Variants in TLK1 observed in about 807,000 individuals in gnomAD.
The protein encoded by TLK1 is serine/threonine-protein kinase tousled-like 1.
Under a neutral mutation model 105.3 loss-of-function variants are expected in TLK1, and 24 were observed. The observed-to-expected ratio is 0.23, with a 90% confidence interval of 0.17 to 0.32. The LOEUF (loss-of-function observed/expected upper bound fraction) is 0.32, where lower values mean the gene tolerates loss of function less well. Among genes scored for constraint, TLK1 ranks in the 10% least tolerant of loss-of-function variants. The pLI, the probability that TLK1 is intolerant of heterozygous loss-of-function variation, is 1.00. For missense variants in TLK1, 558 were observed against 910.5 expected (o/e 0.61, Z 4.98); for synonymous variants, 321 against 310.4 (o/e 1.03, Z -0.36).
At chr2:171,216,642 G>A (rs1693719690) in intron 1 of TLK1, among the ~76,000 whole-genome samples, 1 of 152,080 alleles carries the variant, frequency 6.6e-6, no homozygotes. Context: ...GTAACCCCTA[G>A]TACCTTAGAA....
At chr2:170,996,868 G>C in intron 19 of TLK1, 108 bp from the exon 20 acceptor site, 1 of 894,724 alleles carries the variant, frequency 1.1e-6, no homozygotes, top group Non-Finnish European at 1.6e-6. Context: ...AATATCTTGT[G>C]TTCTAAAATC....
upstream of TLK1, among the ~76,000 whole-genome samples, chr2:171,162,792 G>GTTTTGTT (rs879434116): frequency 6.6e-6 from 1 of 151,942 alleles, no homozygotes; most frequent in African/African-American, 2.4e-5. Flanking sequence ...TCTGGCTTTG[G>GTTTTGTT]TTTTGTTTTT....
At chr2:171,140,970 G>C (rs879771320) in intron 1 of TLK1, among the ~76,000 whole-genome samples, 40 of 152,030 alleles carry the variant, frequency 2.6e-4, no homozygotes, top group Non-Finnish European at 3.5e-4. Context: ...CTAAATTAAA[G>C]AACTCAGTGT....
At position 171,014,892 on chromosome 2, in the gene TLK1, G is replaced by A. The variant is rs1685100179; in HGVS notation, c.1293C>T (p.His431=). 1.2e-6 allele frequency: 2 copies of A among 1,613,842 alleles called. No homozygotes were observed. The highest frequency in any genetic ancestry group is 1.1e-5 in the South Asian group (1 of 91,074). Residue 431 remains histidine (H), a synonymous_variant, in exon 13 of 21, where the codon CAC becomes CAT. Coordinates refer to ENST00000431350, the MANE Select transcript of TLK1 (RefSeq NM_012290.5). ...TGTTTATTCTTTTCAGCTCACGTAT[G>A]TGAAGATTTCTGACTCTTTCCAAAC... ...LERLERVRNL[H]IRELKRINNE... is the part of the protein sequence containing the mutation.
chr2:171,009,460 T>G (rs1215199776), intron 14 of TLK1, among the ~76,000 whole-genome samples: 1 of 151,974 alleles, frequency 6.6e-6, no homozygotes, highest in Admixed American at 6.6e-5. Flanking sequence ...TGTGCCATCA[T>G]GCCTAGCTAA....
At chr2:171,056,140 A>G (rs1687489885) in intron 6 of TLK1, among the ~76,000 whole-genome samples, 1 of 152,078 alleles carries the variant, frequency 6.6e-6, no homozygotes, top group African/African-American at 2.4e-5. Flanking sequence ...TAAGAAAGTT[A>G]TAAATTAGGA....
At chr2:171,092,204 T>G (rs1289661029) in intron 2 of TLK1, among the ~76,000 whole-genome samples, 4 of 152,158 alleles carry the variant, frequency 2.6e-5, no homozygotes, top group Non-Finnish European at 4.4e-5. Context: ...TTGCTCAAGG[T>G]AGCTAGAGAG....
At chr2:171,096,665 G>A (rs1474922213) in intron 2 of TLK1, among the ~76,000 whole-genome samples, 2 of 151,772 alleles carry the variant, frequency 1.3e-5, no homozygotes, top group South Asian at 2.1e-4. Flanking sequence ...GACTGAAGCA[G>A]GAGAATCACT....
intron 1 of TLK1, among the ~76,000 whole-genome samples, chr2:171,222,138 G>A (rs1202385172): frequency 6.6e-6 from 1 of 152,022 alleles, no homozygotes; most frequent in Non-Finnish European, 1.5e-5. Context: ...TTTTCTCATG[G>A]CAACCTACAA....
At chr2:171,128,446 T>C (rs1238586218) in intron 1 of TLK1, among the ~76,000 whole-genome samples, 1 of 152,190 alleles carries the variant, frequency 6.6e-6, no homozygotes, top group African/African-American at 2.4e-5. Flanking sequence ...TAAGTTTCTA[T>C]GAATAGTTTT....
At chr2:171,145,645 T>G (rs1575627267) in intron 1 of TLK1, among the ~76,000 whole-genome samples, 1 of 151,658 alleles carries the variant, frequency 6.6e-6, no homozygotes, top group Non-Finnish European at 1.5e-5. Context: ...TATAAACATG[T>G]TCATAATACC....
intron 1 of TLK1, among the ~76,000 whole-genome samples, chr2:171,130,426 C>T (rs1458749263): frequency 6.6e-6 from 1 of 152,024 alleles, no homozygotes; most frequent in Non-Finnish European, 1.5e-5. Flanking sequence ...TTGGTAATGA[C>T]TATGTCCATC....
intron 3 of TLK1, chr2:171,067,077 C>A: frequency 8.5e-7 from 1 of 1,173,808 alleles, no homozygotes. Context: ...CCTTTGAACA[C>A]GAATCCCTAG....
At chr2:171,075,783 A>G (rs1184777400) in intron 3 of TLK1, among the ~76,000 whole-genome samples, 1 of 152,230 alleles carries the variant, frequency 6.6e-6, no homozygotes, top group Non-Finnish European at 1.5e-5. Flanking sequence ...AGAATTCCAA[A>G]TGAGCTAGAA....
chr2:171,112,914 C>T (rs1690246606), intron 2 of TLK1, among the ~76,000 whole-genome samples: 1 of 152,044 alleles, frequency 6.6e-6, no homozygotes, highest in Admixed American at 6.6e-5. Context: ...ATAACCTAAT[C>T]TTACAAAGAT....
chr2:171,124,305 T>C (rs371832017), intron 1 of TLK1, among the ~76,000 whole-genome samples: 2 of 152,326 alleles, frequency 1.3e-5, no homozygotes, highest in African/African-American at 2.4e-5. Flanking sequence ...TAGACACTAT[T>C]TTGCCTTGAA....
intron 14 of TLK1, 37 bp from the exon 15 acceptor site, chr2:171,007,100 C>A: frequency 6.6e-7 from 1 of 1,521,872 alleles, no homozygotes. Flanking sequence ...AGATGAAAGA[C>A]CAATTGAATA....
At chr2:171,085,250 G>T (rs1187515903) in intron 2 of TLK1, among the ~76,000 whole-genome samples, 1 of 151,974 alleles carries the variant, frequency 6.6e-6, no homozygotes, top group African/African-American at 2.4e-5. Flanking sequence ...TTAGCCAGGC[G>T]TGATGGTGCA....
intron 13 of TLK1, 68 bp from the exon 14 acceptor site, chr2:171,011,522 T>G (rs767185799): frequency 8.2e-5 from 107 of 1,298,598 alleles, no homozygotes; most frequent in Non-Finnish European, 1.1e-4. Context: ...ACACTGAAGT[T>G]CTACTCTCTT....
Sources: gnomAD v4.1 joint callset for allele counts (sites outside exome capture counted in the v4.1 genomes callset) on GRCh38, gnomAD v4.1.1 for gene constraint, MANE v1.5 for transcripts, NCBI Gene and HGNC (gene_info 2026-07-23, HGNC 2026-07-21) for gene names.